NRG3: variants seen among roughly 807,000 people sequenced by gnomAD.
NRG3 encodes neuregulin 3, also known as pro-neuregulin-3, membrane-bound isoform.
NRG3 carries 31 observed loss-of-function variants against 66.9 expected under a neutral mutation model. That is an observed-to-expected ratio of 0.46 (90% CI 0.35 to 0.63). The LOEUF is 0.63. Ranked by LOEUF, NRG3 falls within the 20% of genes least tolerant of loss-of-function variation. NRG3 has a pLI of 0.00. For missense variants in NRG3, 910 were observed against 878.9 expected (o/e 1.04, Z -0.45); for synonymous variants, 393 against 359.4 (o/e 1.09, Z -1.06).
chr10:82,140,633 A>G (rs1254028353), intron 1 of NRG3, among the ~76,000 whole-genome samples: 4 of 152,050 alleles, frequency 2.6e-5, no homozygotes, highest in African/African-American at 9.7e-5. Flanking sequence ...TTAGGAGGGT[A>G]AGGCTAGATG....
chr10:82,307,471 A>C (rs2080805577), intron 1 of NRG3, among the ~76,000 whole-genome samples: 2 of 152,162 alleles, frequency 1.3e-5, no homozygotes, highest in Non-Finnish European at 2.9e-5. Flanking sequence ...ATGTGGAGAA[A>C]TCCAAGATTA....
chr10:81,900,546 G>A (rs981478851), intron 1 of NRG3, among the ~76,000 whole-genome samples: 1 of 152,206 alleles, frequency 6.6e-6, no homozygotes, highest in Non-Finnish European at 1.5e-5. Flanking sequence ...TGCTAATGAC[G>A]CTGGGGTTTT....
At chr10:82,890,093 T>C (rs531209174) in intron 4 of NRG3, among the ~76,000 whole-genome samples, 4 of 151,542 alleles carry the variant, frequency 2.6e-5, no homozygotes, top group South Asian at 2.1e-4. Flanking sequence ...GGGAACCTTA[T>C]TAGAAAATAC....
chr10:82,367,414 T>C (rs1246317011), intron 2 of NRG3, among the ~76,000 whole-genome samples: 5 of 152,176 alleles, frequency 3.3e-5, no homozygotes, highest in Admixed American at 2.6e-4. Flanking sequence ...TTATAGCCAA[T>C]AGACTCCAGA....
intron 2 of NRG3, among the ~76,000 whole-genome samples, chr10:82,663,828 G>T (rs570983371): frequency 1.7e-3 from 259 of 152,318 alleles, no homozygotes; most frequent in African/African-American, 4.9e-3. Flanking sequence ...TGCATTTATA[G>T]TAAGCCTTCA....
At chr10:82,369,715 T>C (rs2135723020) in intron 2 of NRG3, among the ~76,000 whole-genome samples, 1 of 138,962 alleles carries the variant, frequency 7.2e-6, no homozygotes, top group Admixed American at 6.8e-5. Flanking sequence ...TAATTATAAT[T>C]TGATTACACT....
chr10:81,878,025 G>A, intron 1 of NRG3: 5 of 1,537,566 alleles, frequency 3.3e-6, no homozygotes, highest in African/African-American at 1.4e-5. Flanking sequence ...CACACGGTAG[G>A]GGTATTTCAT....
At chr10:82,635,288 A>G (rs1339773528) in intron 2 of NRG3, among the ~76,000 whole-genome samples, 1 of 152,130 alleles carries the variant, frequency 6.6e-6, no homozygotes, top group African/African-American at 2.4e-5. Context: ...GTTATTTGAA[A>G]GGTTCTCTCC....
intron 3 of NRG3, among the ~76,000 whole-genome samples, chr10:82,818,339 T>C (rs925733962): frequency 6.6e-6 from 1 of 152,108 alleles, no homozygotes; most frequent in African/African-American, 2.4e-5. Flanking sequence ...AAACAAGCCC[T>C]GCAAGTCTCC....
chr10:82,037,164 A>G (rs7091020), intron 1 of NRG3, among the ~76,000 whole-genome samples: 141,810 of 152,174 alleles, frequency 0.93, 66,279 homozygotes, highest in South Asian at 0.99. Context: ...TCACTTCTTC[A>G]TCTGGTTGAG....
chr10:82,739,469 T>C (rs1240441196), intron 3 of NRG3, among the ~76,000 whole-genome samples: 2 of 152,228 alleles, frequency 1.3e-5, no homozygotes, highest in African/African-American at 2.4e-5. Context: ...CTGAATATCA[T>C]ACATACGTAA....
intron 1 of NRG3, among the ~76,000 whole-genome samples, chr10:81,903,990 ATATATATTTTTTTT>A (rs1485288865): frequency 3.4e-5 from 4 of 117,948 alleles, no homozygotes; most frequent in African/African-American, 1.6e-4. Flanking sequence ...ATATATATAT[ATATATATTTTTTTT>A]TTTTGTTTGT....
chr10:82,936,066 T>C (rs1848039932), intron 4 of NRG3, among the ~76,000 whole-genome samples: 1 of 152,204 alleles, frequency 6.6e-6, no homozygotes, highest in South Asian at 2.1e-4. Flanking sequence ...GGTCTGAGCA[T>C]TGAGTACCTA....
At chr10:81,928,417 T>G (rs1409437745) in intron 1 of NRG3, among the ~76,000 whole-genome samples, 1 of 152,202 alleles carries the variant, frequency 6.6e-6, no homozygotes, top group East Asian at 1.9e-4. Context: ...CCAACTACAT[T>G]TGGGTCTTAA....
chr10:82,828,506 TA>T (rs536308702), intron 3 of NRG3, among the ~76,000 whole-genome samples: 5,579 of 152,190 alleles, frequency 0.037, 154 homozygotes, highest in Non-Finnish European at 0.058. Flanking sequence ...GGTGCCCTTT[TA>T]CCTCTGTCTT....
At chr10:82,100,281 G>T (rs920274521) in intron 1 of NRG3, among the ~76,000 whole-genome samples, 3 of 151,898 alleles carry the variant, frequency 2.0e-5, no homozygotes, top group Non-Finnish European at 4.4e-5. Flanking sequence ...TTTTGTGGAT[G>T]CCTTTGAACT....
chr10:82,985,659 A>C lies in NRG3; in HGVS notation c.*54A>C. The C allele has an allele frequency of 6.5e-7, 1 of 1,538,574 alleles. No individual in the cohort carries two copies. The highest frequency in any genetic ancestry group is 1.4e-5 in the African/African-American group (1 of 72,316). On this transcript the variant is annotated 3_prime_UTR_variant, in exon 9 of 9. Transcript: ENST00000372141. ...TGCTTTGCTCAACAGGAAAGAGAGG[A>C]AATCAAATACAAATTATTTATATGC... is the stretch of plus-strand genomic sequence containing the variant.
chr10:82,129,098 A>T (rs1195603913), intron 1 of NRG3, among the ~76,000 whole-genome samples: 3 of 151,988 alleles, frequency 2.0e-5, no homozygotes, highest in Non-Finnish European at 4.4e-5. Flanking sequence ...TTTTTAGGAG[A>T]GACGGGGTTT....
intron 1 of NRG3, among the ~76,000 whole-genome samples, chr10:82,277,886 G>T (rs2078933130): frequency 6.6e-6 from 1 of 152,084 alleles, no homozygotes; most frequent in Non-Finnish European, 1.5e-5. Flanking sequence ...TGAGAAAAAT[G>T]GATTGGTCTA....
Sources: gnomAD v4.1 joint callset for allele counts (sites outside exome capture counted in the v4.1 genomes callset) on GRCh38, gnomAD v4.1.1 for gene constraint, MANE v1.5 for transcripts, NCBI Gene and HGNC (gene_info 2026-07-23, HGNC 2026-07-21) for gene names.